The following FANCC variants were observed in gnomAD, a reference collection of about 807,000 sequenced individuals.
FANCC encodes Fanconi anemia group C protein.
FANCC carries 55 observed loss-of-function variants against 71.3 expected under a neutral mutation model. The ratio of observed to expected loss-of-function variants is 0.77; its 90% CI spans 0.62 to 0.97. The LOEUF (loss-of-function observed/expected upper bound fraction) is 0.97. Among genes scored for constraint, FANCC ranks in the 50% least tolerant of loss-of-function variants. The pLI, the probability that FANCC is intolerant of heterozygous loss-of-function variation, is 0.00. For missense variants in FANCC, 678 were observed against 670.9 expected (o/e 1.01, Z -0.12); for synonymous variants, 275 against 244.9 (o/e 1.12, Z -1.15).
intron 7 of FANCC, among the ~76,000 whole-genome samples, chr9:95,137,216 G>C (rs1235497192): frequency 6.6e-6 from 1 of 152,160 alleles, no homozygotes; most frequent in Non-Finnish European, 1.5e-5. Flanking sequence ...TCCAGGGACA[G>C]GAAGGGACAT....
At chr9:95,246,759 C>T (rs1322356867) in intron 3 of FANCC, among the ~76,000 whole-genome samples, 2 of 152,188 alleles carry the variant, frequency 1.3e-5, no homozygotes, top group African/African-American at 4.8e-5. Context: ...GAAAGGAATC[C>T]TGACACAAAG....
chr9:95,269,896 G>C (rs962122362), intron 1 of FANCC, among the ~76,000 whole-genome samples: 2 of 152,048 alleles, frequency 1.3e-5, no homozygotes, highest in Non-Finnish European at 2.9e-5. Context: ...GGGAACCAGC[G>C]TTCAGCATAT....
intron 7 of FANCC, among the ~76,000 whole-genome samples, chr9:95,147,711 T>A (rs1290922896): frequency 6.6e-6 from 1 of 152,234 alleles, no homozygotes; most frequent in African/African-American, 2.4e-5. Context: ...ATATTTTGAA[T>A]ACTGTTATGG....
rs1272846090 is a variant in FANCC, at chr9:95,124,404, G to A, written c.996+682C>T. The stretch of plus-strand genomic sequence containing the variant: ...CTGGTAGCAAAGGTCCCTGTTTCAC[G>A]AGGTCCCTCTAATTGGTCATTGACT... On this transcript the variant is annotated intron_variant, in intron 10 of 14. Coordinates refer to ENST00000289081, the MANE Select transcript of FANCC (RefSeq NM_000136.3). 2.6e-5 allele frequency among the ~76,000 whole-genome samples: 4 copies of A among 152,320 alleles called. No individual in the cohort carries two copies. In the East Asian group the frequency reaches 5.8e-4, roughly 22 times the overall value.
intron 10 of FANCC, chr9:95,124,001 G>T (rs1402925570): frequency 1.2e-5 from 4 of 335,200 alleles, no homozygotes; most frequent in Non-Finnish European, 2.3e-5. Context: ...TACACGCAGG[G>T]GCTGAAGTGT....
At chr9:95,166,166 G>T (rs1039612884) in intron 6 of FANCC, among the ~76,000 whole-genome samples, 1 of 151,876 alleles carries the variant, frequency 6.6e-6, no homozygotes, top group Non-Finnish European at 1.5e-5. Context: ...CTTGTTTTCT[G>T]ATCTATTTTG....
intron 1 of FANCC, among the ~76,000 whole-genome samples, chr9:95,259,135 A>G (rs1831858069): frequency 6.6e-6 from 1 of 152,236 alleles, no homozygotes; most frequent in Non-Finnish European, 1.5e-5. Context: ...TTATAGATTC[A>G]GTGCTATCCC....
chr9:95,221,677 C>T (rs972905306), intron 4 of FANCC, among the ~76,000 whole-genome samples: 2 of 152,068 alleles, frequency 1.3e-5, no homozygotes, highest in Non-Finnish European at 2.9e-5. Context: ...GTCTTACACA[C>T]CTTAAGAAGA....
At chr9:95,165,366 CTTTT>C (rs926881479) in intron 6 of FANCC, among the ~76,000 whole-genome samples, 1 of 150,658 alleles carries the variant, frequency 6.6e-6, no homozygotes, top group East Asian at 1.9e-4. Context: ...TTCTTATTTT[CTTTT>C]TTTTTCTTCC....
At chr9:95,210,138 AAATT>A (rs1163760082) in intron 4 of FANCC, among the ~76,000 whole-genome samples, 1 of 152,200 alleles carries the variant, frequency 6.6e-6, no homozygotes, top group East Asian at 1.9e-4. Flanking sequence ...GAAACAGGAA[AAATT>A]AATATATATT....
At chr9:95,295,359 A>C (rs1834302011) in intron 1 of FANCC, among the ~76,000 whole-genome samples, 1 of 152,072 alleles carries the variant, frequency 6.6e-6, no homozygotes, top group Admixed American at 6.6e-5. Flanking sequence ...ACAAAACAAA[A>C]AACAAAACAA....
rs1470624416 is a variant in FANCC at position 95,100,360 on chromosome 9, T to A, written c.*1347A>T. ...TGAAAAGTTCCTGGAATTTTCCAGATCTTCAGTGGATCTATTAGCATTGCC... is the reference window on the plus strand; with the variant it reads ...TGAAAAGTTCCTGGAATTTTCCAGAACTTCAGTGGATCTATTAGCATTGCC... On this transcript the variant is annotated 3_prime_UTR_variant, in exon 15 of 15. Transcript: ENST00000289081. The A allele has an allele frequency of 4.3e-6, 1 of 231,758 alleles. No homozygotes were observed. Among genetic ancestry groups the A allele is most frequent in the African/African-American group, 2.2e-5 (1 of 45,268 alleles). The allele number at this position is 231,758 out of a possible 1,614,324, so 14.4% of individuals were successfully genotyped here.
chr9:95,107,046 T>C lies in FANCC; in HGVS notation c.1533+20A>G. Reference sequence around the variant, plus strand: ...GGAGCAGAAATGAGTACTAGGATGCTGGACCACAGGGAGACTTACCAGGGT... The same window carrying C: ...GGAGCAGAAATGAGTACTAGGATGCCGGACCACAGGGAGACTTACCAGGGT... On this transcript the variant is annotated intron_variant, in intron 14 of 14. Coordinates refer to ENST00000289081, the MANE Select transcript of FANCC (RefSeq NM_000136.3). 6.2e-7 allele frequency: 1 copy of C among 1,613,780 alleles called. No individual in the cohort carries two copies. The highest frequency in any genetic ancestry group is 8.5e-7 in the Non-Finnish European group (1 of 1,179,688).
intron 1 of FANCC, among the ~76,000 whole-genome samples, chr9:95,313,014 G>A (rs1485358704): frequency 2.0e-5 from 3 of 152,232 alleles, no homozygotes; most frequent in Non-Finnish European, 4.4e-5. Flanking sequence ...GCCTGAGGGG[G>A]ATGCTGAGGT....
rs190929902 is a variant in FANCC at position 95,223,931 on chromosome 9, C to A, written c.345+16718G>T. 4.1e-4 allele frequency among the ~76,000 whole-genome samples: 63 copies of A among 152,298 alleles called. 1 individual carries two copies. The East Asian group carries it at 0.012, about 28-fold the overall frequency. On this transcript the variant is annotated intron_variant, in intron 4 of 14. Transcript: ENST00000289081. ...GGCAGAAGTGGTGGTGAGCCAAGAT[C>A]GTGCCGTTGCACTCCAGCCTGGGCA...
intron 4 of FANCC, among the ~76,000 whole-genome samples, chr9:95,226,216 G>C (rs1829602911): frequency 6.6e-6 from 1 of 152,126 alleles, no homozygotes; most frequent in African/African-American, 2.4e-5. Flanking sequence ...CCCTAATAAA[G>C]TATGACAGAA....
At chr9:95,212,434 A>G (rs1446499465) in intron 4 of FANCC, among the ~76,000 whole-genome samples, 1 of 152,230 alleles carries the variant, frequency 6.6e-6, no homozygotes, top group African/African-American at 2.4e-5. Context: ...TATGCAAGAC[A>G]GAGGTGAATG....
At position 95,149,885 on chromosome 9, in the gene FANCC, A is replaced by G. The variant is rs780791590; in HGVS notation, c.686+38T>C. Reference sequence around the variant, plus strand: ...ACACCACAGCCTTCTAAGAAAAGGAAAAACGACGCAGGATGACAGGAAACA... The same window carrying G: ...ACACCACAGCCTTCTAAGAAAAGGAGAAACGACGCAGGATGACAGGAAACA... On this transcript the variant is annotated intron_variant, in intron 7 of 14. Coordinates refer to ENST00000289081, the MANE Select transcript of FANCC (RefSeq NM_000136.3). The G allele has an allele frequency of 1.9e-6, 3 of 1,564,358 alleles. 1 individual carries two copies. The South Asian group carries it at 3.5e-5, about 18-fold the overall frequency.
intron 4 of FANCC, among the ~76,000 whole-genome samples, chr9:95,200,720 A>T (rs990988835): frequency 6.6e-6 from 1 of 152,228 alleles, no homozygotes; most frequent in African/African-American, 2.4e-5. Flanking sequence ...ACAGCATTAA[A>T]ATCTAAAGTA....
Sources: gnomAD v4.1 joint callset for allele counts (sites outside exome capture counted in the v4.1 genomes callset) on GRCh38, gnomAD v4.1.1 for gene constraint, MANE v1.5 for transcripts, NCBI Gene and HGNC (gene_info 2026-07-23, HGNC 2026-07-21) for gene names.